The following PTPRN2 variants were observed in gnomAD, a reference collection of about 807,000 sequenced individuals.
PTPRN2 encodes receptor-type tyrosine-protein phosphatase N2.
In PTPRN2, 74 loss-of-function variants were observed where a neutral mutation model predicts 118.8. The ratio of observed to expected loss-of-function variants is 0.62; its 90% confidence interval spans 0.52 to 0.76. PTPRN2 has a LOEUF of 0.76. Among genes scored for constraint, PTPRN2 ranks in the 30% least tolerant of loss-of-function variants. The pLI is 0.00. For synonymous variants in PTPRN2, 641 were observed against 608.0 expected, an observed-to-expected ratio of 1.05 and a Z score of -0.80; for missense variants, 1,481 against 1,394.4, an observed-to-expected ratio of 1.06 and a Z score of -0.99.
intron 1 of PTPRN2, among the ~76,000 whole-genome samples, chr7:158,498,620 AAG>A (rs1430877650): frequency 8.5e-5 from 13 of 152,332 alleles, no homozygotes; most frequent in African/African-American, 3.1e-4. Context: ...CCTTCAAAAG[AAG>A]GATGTTTGCT....
At chr7:158,485,232 C>G (rs1290829337) in intron 2 of PTPRN2, among the ~76,000 whole-genome samples, 1 of 152,122 alleles carries the variant, frequency 6.6e-6, no homozygotes, top group Non-Finnish European at 1.5e-5. Flanking sequence ...TCCCTCCAAA[C>G]GGAGAGCGCG....
intron 10 of PTPRN2, among the ~76,000 whole-genome samples, chr7:158,102,758 G>T (rs1311706182): frequency 6.7e-6 from 1 of 149,520 alleles, no homozygotes; most frequent in East Asian, 1.9e-4. Context: ...AGATGCAAGT[G>T]TGCACTTGCA....
chr7:158,155,609 A>G, intron 6 of PTPRN2, among the ~76,000 whole-genome samples: 1 of 151,980 alleles, frequency 6.6e-6, no homozygotes, highest in Non-Finnish European at 1.5e-5. Context: ...CATCACCATC[A>G]CCATCAACAC....
rs117315562 is a variant in PTPRN2 at position 158,380,059 on chromosome 7, A to G, written c.164-63127T>C. 4.0e-3 allele frequency among the ~76,000 whole-genome samples: 610 copies of G among 152,296 alleles called. 8 individuals carry two copies. The highest frequency in any genetic ancestry group is 0.02 in the Middle Eastern group (6 of 294). On this transcript the variant is annotated intron_variant, in intron 2 of 22. Coordinates refer to ENST00000389418, the MANE Select transcript of PTPRN2 (RefSeq NM_002847.5). ...GATTACCTTCCAACGGGTCCCTCCC[A>G]CAACATATGGGAATTATGGGAGCTG...
At chr7:157,691,071 C>A (rs1206817697) in intron 12 of PTPRN2, among the ~76,000 whole-genome samples, 1 of 109,850 alleles carries the variant, frequency 9.1e-6, no homozygotes, top group East Asian at 2.5e-4. Context: ...GCGATGTCCC[C>A]CCCCCCCCCC....
chr7:157,926,955 G>A (rs1215703319), intron 11 of PTPRN2, among the ~76,000 whole-genome samples: 1 of 149,968 alleles, frequency 6.7e-6, no homozygotes, highest in Non-Finnish European at 1.5e-5. Flanking sequence ...CACGTCTGCT[G>A]GGGCCCTGAA....
At chr7:158,221,951 A>G (rs1264175237) in intron 3 of PTPRN2, among the ~76,000 whole-genome samples, 1 of 152,224 alleles carries the variant, frequency 6.6e-6, no homozygotes, top group African/African-American at 2.4e-5. Flanking sequence ...AAGACATAGA[A>G]GCGGCCAAGA....
chr7:157,715,637 C>A (rs1311565327), intron 12 of PTPRN2, among the ~76,000 whole-genome samples: 1 of 152,206 alleles, frequency 6.6e-6, no homozygotes, highest in Non-Finnish European at 1.5e-5. Context: ...ACAGGCCGGC[C>A]CCTGCTGCAA....
chr7:158,405,987 GCA>G (rs1192169659), intron 2 of PTPRN2, among the ~76,000 whole-genome samples: 1 of 147,288 alleles, frequency 6.8e-6, no homozygotes, highest in Non-Finnish European at 1.5e-5. Flanking sequence ...CTGAGATCCC[GCA>G]GTGGCTCATC....
chr7:158,109,052 CCT>C (rs1491247320), intron 10 of PTPRN2, among the ~76,000 whole-genome samples: 2 of 151,984 alleles, frequency 1.3e-5, no homozygotes, highest in Admixed American at 6.5e-5. Context: ...TGACATCACC[CCT>C]GTGTGAAGGA....
At position 158,138,454 on chromosome 7, in the gene PTPRN2, C is replaced by G. The variant is rs1358677783; in HGVS notation, c.972G>C (p.Leu324=). Residue 324 remains leucine (L), a synonymous_variant, in exon 7 of 23, where the codon CTG becomes CTC. Transcript: ENST00000389418. ...LQRQPAEVRG[L]SGLELDGMAE... ...CCATGCCGTCCAGCTCCAGGCCACT[C>G]AGGCCCCTCACCTCAGCCGGCTGCC... 3 of 1,613,198 alleles carry G rather than the reference C, an allele frequency of 1.9e-6. No homozygotes were observed. Among genetic ancestry groups the G allele is most frequent in the Non-Finnish European group, 2.5e-6 (3 of 1,179,926 alleles).
intron 3 of PTPRN2, among the ~76,000 whole-genome samples, chr7:158,257,489 C>A (rs1030198734): frequency 2.6e-5 from 4 of 152,198 alleles, no homozygotes; most frequent in African/African-American, 9.6e-5. Flanking sequence ...ATCCTGTATT[C>A]AATCTGGAAC....
intron 19 of PTPRN2, among the ~76,000 whole-genome samples, chr7:157,575,087 G>A (rs1291842174): frequency 6.6e-6 from 1 of 152,142 alleles, no homozygotes; most frequent in Non-Finnish European, 1.5e-5. Flanking sequence ...ACTGAGGGTC[G>A]GTGATGTACA....
At chr7:158,384,421 T>A (rs1401605795) in intron 2 of PTPRN2, among the ~76,000 whole-genome samples, 2 of 151,206 alleles carry the variant, frequency 1.3e-5, no homozygotes, top group Admixed American at 1.3e-4. Context: ...CCAGAGGTTT[T>A]TCCCGCTGAT....
At chr7:157,913,522 G>A (rs1798211121) in intron 11 of PTPRN2, among the ~76,000 whole-genome samples, 1 of 152,186 alleles carries the variant, frequency 6.6e-6, no homozygotes, top group African/African-American at 2.4e-5. Context: ...TGGGAAGCAT[G>A]ATGTTTCTGT....
At chr7:158,014,615 C>T (rs1173725677) in intron 11 of PTPRN2, among the ~76,000 whole-genome samples, 1 of 151,916 alleles carries the variant, frequency 6.6e-6, no homozygotes, top group East Asian at 1.9e-4. Context: ...ACCCATCCCT[C>T]ATCCATCCAC....
chr7:158,294,935 T>C (rs1800371957), intron 3 of PTPRN2, among the ~76,000 whole-genome samples: 1 of 136,500 alleles, frequency 7.3e-6, no homozygotes, highest in Non-Finnish European at 1.5e-5. Context: ...ACGCGCGTGG[T>C]TCACCCACCT....
rs150528138 is a variant in PTPRN2, at chr7:158,562,343, C to G, written c.112+25215G>C. Among the ~76,000 whole-genome samples the G allele has an allele frequency of 1.4e-3, 212 of 152,292 alleles. 2 individuals are homozygous for G. The highest frequency in any genetic ancestry group is 5.0e-3 in the African/African-American group (206 of 41,562). On this transcript the variant is annotated intron_variant, in intron 1 of 22. Transcript: ENST00000389418. ...CATCAGGAGCATCCACCTTTGAGACCTTGTCACCTCCCAAAGCCCCCATCT... is the reference window on the plus strand; with the variant it reads ...CATCAGGAGCATCCACCTTTGAGACGTTGTCACCTCCCAAAGCCCCCATCT...
chr7:157,611,917 G>A lies in PTPRN2; in HGVS notation c.2345-7842C>T, dbSNP rs576340468. Among the ~76,000 whole-genome samples the A allele has an allele frequency of 8.5e-5, 13 of 152,168 alleles. No homozygotes were observed. The highest frequency in any genetic ancestry group is 7.8e-4 in the Admixed American group (12 of 15,308). On this transcript the variant is annotated intron_variant, in intron 15 of 22. Transcript: ENST00000389418. The surrounding 1 kb of genome is among the most constrained non-coding windows in gnomAD (Gnocchi z 5.9). The stretch of plus-strand genomic sequence containing the variant: ...TGCTGGGGACACGCGGAGGGAGAGC[G>A]CCCGTGTGAAGACGAAGACAGCCGT...
Sources: gnomAD v4.1 joint callset for allele counts (sites outside exome capture counted in the v4.1 genomes callset) on GRCh38, gnomAD v4.1.1 for gene constraint, Gnocchi (gnomAD v3.1) non-coding constraint, MANE v1.5 for transcripts, NCBI Gene and HGNC (gene_info 2026-07-23, HGNC 2026-07-21) for gene names.